Variants in DCAF5 observed in about 807,000 individuals in gnomAD.
DCAF5 encodes the protein DDB1 and CUL4 associated factor 5, also known as DDB1- and CUL4-associated factor 5.
In DCAF5, 9 loss-of-function variants were observed where a neutral mutation model predicts 80.7. The ratio of observed to expected loss-of-function variants is 0.11; its 90% confidence interval spans 0.07 to 0.19. The LOEUF (loss-of-function observed/expected upper bound fraction) is 0.19. Ranked by LOEUF, DCAF5 falls within the 10% of genes least tolerant of loss-of-function variation. DCAF5 has a pLI of 1.00. For missense variants in DCAF5, 842 were observed against 1,205.7 expected (o/e 0.70, Z 4.47); for synonymous variants, 433 against 461.9 (o/e 0.94, Z 0.80).
chr14:69,068,244 G>A (rs1449608415), intron 7 of DCAF5, among the ~76,000 whole-genome samples: 1 of 152,176 alleles, frequency 6.6e-6, no homozygotes, highest in Non-Finnish European at 1.5e-5. Flanking sequence ...TTTACATGAT[G>A]TCTTATCTAA....
chr14:69,138,170 T>C (rs2041252001), intron 1 of DCAF5, among the ~76,000 whole-genome samples: 1 of 151,984 alleles, frequency 6.6e-6, no homozygotes, highest in Admixed American at 6.6e-5. Flanking sequence ...AAGGTTCCAA[T>C]TAGTCACTTA....
At chr14:69,151,048 GTAA>G (rs1472285385) in intron 1 of DCAF5, among the ~76,000 whole-genome samples, 11 of 152,150 alleles carry the variant, frequency 7.2e-5, no homozygotes, top group African/African-American at 2.7e-4. Context: ...CTTCTCTGTT[GTAA>G]TACATCGGGA....
At chr14:69,146,737 T>C (rs766493780) in intron 1 of DCAF5, among the ~76,000 whole-genome samples, 1 of 152,214 alleles carries the variant, frequency 6.6e-6, no homozygotes, top group Non-Finnish European at 1.5e-5. Context: ...TTACAAACAG[T>C]ATGCACTCAA....
At chr14:69,068,574 C>T (rs1297318627) in intron 7 of DCAF5, among the ~76,000 whole-genome samples, 2 of 151,800 alleles carry the variant, frequency 1.3e-5, no homozygotes, top group African/African-American at 2.4e-5. Context: ...GGCACATGCC[C>T]GTAATCCCAG....
At chr14:69,119,725 G>T (rs2040654237) in intron 2 of DCAF5, among the ~76,000 whole-genome samples, 1 of 151,448 alleles carries the variant, frequency 6.6e-6, no homozygotes, top group African/African-American at 2.4e-5. Flanking sequence ...AAAAAGTAGG[G>T]GGGAAACAAC....
intron 6 of DCAF5, among the ~76,000 whole-genome samples, chr14:69,078,117 A>G (rs2038968945): frequency 6.6e-6 from 1 of 152,228 alleles, no homozygotes; most frequent in Admixed American, 6.5e-5. Flanking sequence ...CAAGACAAGG[A>G]AACTCATAAG....
intron 5 of DCAF5, among the ~76,000 whole-genome samples, chr14:69,110,648 G>GGAGGACTGTTTGCACCCAGGAGATC (rs2040330712): frequency 6.6e-6 from 1 of 152,036 alleles, no homozygotes; most frequent in Admixed American, 6.6e-5. Context: ...GGATGAGACA[G>GGAGGACTGTTTGCACCCAGGAGATC]GAGGACTGTT....
intron 7 of DCAF5, among the ~76,000 whole-genome samples, chr14:69,074,231 A>G (rs1280115796): frequency 6.6e-6 from 1 of 152,208 alleles, no homozygotes; most frequent in Non-Finnish European, 1.5e-5. Flanking sequence ...TAATTTTCCT[A>G]AAGGTCATTT....
chr14:69,143,597 G>A (rs995885854), intron 1 of DCAF5, among the ~76,000 whole-genome samples: 9 of 124,434 alleles, frequency 7.2e-5, no homozygotes, highest in Non-Finnish European at 9.4e-5. Flanking sequence ...CAATGTCTCA[G>A]CTGAACATTG....
At chr14:69,073,559 G>A (rs866598626) in intron 7 of DCAF5, among the ~76,000 whole-genome samples, 2 of 151,856 alleles carry the variant, frequency 1.3e-5, no homozygotes, top group South Asian at 2.1e-4. Flanking sequence ...AGGCTAAGGT[G>A]GGACGATCAC....
chr14:69,147,336 G>T lies in DCAF5; in HGVS notation c.214+5429C>A, dbSNP rs562633518. Among the ~76,000 whole-genome samples the T allele has an allele frequency of 2.2e-3, 330 of 152,304 alleles. 1 individual carries two copies. Among genetic ancestry groups the T allele is most frequent in the Middle Eastern group, 3.4e-3 (1 of 294 alleles). On this transcript the variant is annotated intron_variant, in intron 1 of 8. Coordinates refer to ENST00000341516, the MANE Select transcript of DCAF5 (RefSeq NM_003861.3). ...GGTATCAATCTCCTGAAAGCCTTTTGTGACATTCAAGGGAAACAACAACAA... is the reference window on the plus strand; with the variant it reads ...GGTATCAATCTCCTGAAAGCCTTTTTTGACATTCAAGGGAAACAACAACAA...
chr14:69,133,551 A>G (rs927459148), intron 1 of DCAF5, among the ~76,000 whole-genome samples: 1 of 151,854 alleles, frequency 6.6e-6, no homozygotes, highest in Non-Finnish European at 1.5e-5. Context: ...GGCAGGGAAG[A>G]GGCGGGGGTA....
chr14:69,090,626 C>A (rs1459552957), intron 6 of DCAF5: 3 of 155,138 alleles, frequency 1.9e-5, no homozygotes, highest in African/African-American at 7.2e-5. Flanking sequence ...CTCTAGCAAC[C>A]CCCATCTAAG....
rs1040024663 is a variant in DCAF5 at position 69,091,665 on chromosome 14, A to C, written c.879+9T>G. On this transcript the variant is annotated intron_variant, in intron 6 of 8. Coordinates refer to ENST00000341516, the MANE Select transcript of DCAF5 (RefSeq NM_003861.3). ...TAAGTGTGAGATGCAGGAGGCAGAC[A>C]GCATTTACCTGGTCACGATCTCCTG... 6.2e-7 allele frequency: 1 copy of C among 1,611,854 alleles called. No individual in the cohort carries two copies. The highest frequency in any genetic ancestry group is 1.7e-5 in the Admixed American group (1 of 59,990).
intron 7 of DCAF5, among the ~76,000 whole-genome samples, chr14:69,072,644 A>C (rs2038741750): frequency 7.4e-6 from 1 of 135,820 alleles, no homozygotes; most frequent in Non-Finnish European, 1.6e-5. Context: ...AAAAAAAAAA[A>C]ACGAGAGAAA....
intron 5 of DCAF5, among the ~76,000 whole-genome samples, chr14:69,101,328 T>G (rs1431583287): frequency 6.6e-6 from 1 of 152,224 alleles, no homozygotes; most frequent in Admixed American, 6.5e-5. Context: ...TCATGCATAC[T>G]TTCATTTAAA....
intron 5 of DCAF5, among the ~76,000 whole-genome samples, chr14:69,097,515 T>C (rs2039766769): frequency 6.6e-6 from 1 of 152,010 alleles, no homozygotes; most frequent in Admixed American, 6.6e-5. Context: ...ATTCTATATT[T>C]TTTATTTAAG....
At chr14:69,102,777 G>A (rs2040009505) in intron 5 of DCAF5, among the ~76,000 whole-genome samples, 1 of 152,086 alleles carries the variant, frequency 6.6e-6, no homozygotes. Context: ...GGACCTGCCT[G>A]AAGCTGCTTT....
rs2040765062 is a variant in DCAF5 at position 69,122,862 on chromosome 14, A to G, written c.215-502T>C. On this transcript the variant is annotated intron_variant, in intron 1 of 8. Coordinates refer to ENST00000341516, the MANE Select transcript of DCAF5 (RefSeq NM_003861.3). ...CAAATGATAACTAAGAAATCACCTG[A>G]CTCTTACAGTAATAGGATCTAGACA... is the stretch of plus-strand genomic sequence containing the variant. 1.6e-5 allele frequency among the ~76,000 whole-genome samples: 2 copies of G among 127,952 alleles called. 1 individual carries two copies. Among genetic ancestry groups the G allele is most frequent in the Middle Eastern group, 6.6e-3 (2 of 302 alleles). The allele number at this position is 127,952 out of a possible 152,430, so 83.9% of individuals were successfully genotyped here.
Sources: allele counts gnomAD v4.1 joint callset (sites outside exome capture counted in the v4.1 genomes callset), GRCh38; gene constraint gnomAD v4.1.1; transcripts MANE v1.5; gene names NCBI Gene and HGNC (gene_info 2026-07-23, HGNC 2026-07-21).